Variants in IKBIP observed in about 807,000 individuals in gnomAD.
IKBIP encodes IKBKB interacting protein.
Under a neutral mutation model 31.0 loss-of-function variants are expected in IKBIP, and 28 were observed. That is an observed-to-expected ratio of 0.90 (90% CI 0.67 to 1.24). The LOEUF (loss-of-function observed/expected upper bound fraction) is 1.24. Ranked by LOEUF, IKBIP falls within the 50% of genes most tolerant of loss-of-function variation. The probability of loss-of-function intolerance (pLI) is 0.00; values close to 1 mark genes in which losing one functional copy is unlikely to be tolerated. For synonymous variants in IKBIP, 164 were observed against 160.3 expected, an observed-to-expected ratio of 1.02 and a Z score of -0.17; for missense variants, 453 against 441.9, an observed-to-expected ratio of 1.03 and a Z score of -0.23.
chr12:98,614,618 G>A (rs1031327785), intron 2 of IKBIP, among the ~76,000 whole-genome samples: 6 of 152,046 alleles, frequency 3.9e-5, no homozygotes, highest in East Asian at 1.9e-4. Flanking sequence ...GTAGAGACGG[G>A]TCTTCACCAT....
intron 2 of IKBIP, among the ~76,000 whole-genome samples, chr12:98,634,018 T>C (rs890550644): frequency 6.6e-6 from 1 of 152,208 alleles, no homozygotes; most frequent in Non-Finnish European, 1.5e-5. Flanking sequence ...ATGCTCTAGA[T>C]ACCTGACACT....
chr12:98,624,674 T>C lies in IKBIP; in HGVS notation c.*1256A>G. 1 of 884,222 alleles carries C rather than the reference T, an allele frequency of 1.1e-6. No homozygotes were observed. The allele number at this position is 884,222 out of a possible 1,614,324, so 54.8% of individuals were successfully genotyped here. ...TTTCAAATAAAATAAAATCAATTCA[T>C]AAAACAAATTTAGTGGTGTGGTTTG... On this transcript the variant is annotated 3_prime_UTR_variant, in exon 3 of 3. Coordinates refer to ENST00000299157, the MANE Select transcript of IKBIP (RefSeq NM_153687.4).
intron 1 of IKBIP, among the ~76,000 whole-genome samples, chr12:98,637,887 GC>G (rs2097627230): frequency 6.6e-6 from 1 of 152,180 alleles, no homozygotes; most frequent in South Asian, 2.1e-4. Flanking sequence ...TGCTGAGAAA[GC>G]TGCTTCAGAT....
In IKBIP at chr12:98,644,578, C is replaced by G; in HGVS notation, c.124G>C (p.Asp42His). The G allele has an allele frequency of 6.2e-7, 1 of 1,609,186 alleles. No individual in the cohort carries two copies. The change falls in exon 1 of 3, where the codon GAC (aspartate) becomes CAC (histidine). Residue 42 changes from aspartate to histidine, a missense_variant. Coordinates refer to ENST00000299157, the MANE Select transcript of IKBIP (RefSeq NM_153687.4). ...AGCAGGCTCAGGCACGTTCGGGGGT[C>G]TGCCCAGCCCCCGCCTCCGCTGCTC... ...ARSSGGGGWA[D>H]PRTCLSLLSL...
intron 2 of IKBIP, among the ~76,000 whole-genome samples, chr12:98,626,990 AC>A (rs1209205706): frequency 6.6e-6 from 1 of 152,100 alleles, no homozygotes; most frequent in Non-Finnish European, 1.5e-5. Flanking sequence ...TATTTTTTAG[AC>A]GGAATCTCAC....
chr12:98,619,959 C>G (rs2097608790), downstream of IKBIP, among the ~76,000 whole-genome samples: 1 of 150,874 alleles, frequency 6.6e-6, no homozygotes, highest in Non-Finnish European at 1.5e-5. Context: ...CACTCTATTG[C>G]CCAGGCTGGA....
Position 98,624,378 on chromosome 12 carries a change from C to G in IKBIP, c.*1552G>C. On this transcript the variant is annotated 3_prime_UTR_variant, in exon 3 of 3. Transcript: ENST00000299157. ...AAGACTGCAAAAATTAATGCTATGC[C>G]CCTTAATAACAGAACTCTCCAGGCT... 1 of 985,152 alleles carries G rather than the reference C, an allele frequency of 1.0e-6. No homozygotes were observed. The highest frequency in any genetic ancestry group is 1.2e-6 in the Non-Finnish European group (1 of 829,812). The allele number at this position is 985,152 out of a possible 1,614,324, so 61.0% of individuals were successfully genotyped here.
chr12:98,629,626 C>T (rs2097618075), intron 2 of IKBIP, among the ~76,000 whole-genome samples: 1 of 152,084 alleles, frequency 6.6e-6, no homozygotes, highest in African/African-American at 2.4e-5. Context: ...AAATAAAAAC[C>T]TCTTTTAAAT....
Position 98,626,259 on chromosome 12 carries a change from A to G in IKBIP, c.805T>C (p.Cys269Arg), listed in dbSNP as rs1209528477. 12 of 1,614,188 alleles carry G rather than the reference A, an allele frequency of 7.4e-6. No individual in the cohort carries two copies. The highest frequency in any genetic ancestry group is 1.0e-5 in the Non-Finnish European group (12 of 1,180,014). The change falls in exon 3 of 3, where the codon TGC becomes CGC. Residue 269 changes from cysteine (C) to arginine (R), a missense_variant. Coordinates refer to ENST00000299157, the MANE Select transcript of IKBIP (RefSeq NM_153687.4). ...LSDYEPKVEE[C>R]KTHLPTIESA... Reference sequence around the variant, plus strand: ...TCAATTGTTGGCAAATGTGTCTTGCATTCTTCAACTTTGGGTTCGTAGTCG... The same window carrying G: ...TCAATTGTTGGCAAATGTGTCTTGCGTTCTTCAACTTTGGGTTCGTAGTCG...
chr12:98,629,909 T>C (rs957376083), intron 2 of IKBIP, among the ~76,000 whole-genome samples: 1 of 152,170 alleles, frequency 6.6e-6, no homozygotes, highest in Non-Finnish European at 1.5e-5. Context: ...GCCACCAACA[T>C]ATTCTAATCG....
chr12:98,618,370 T>A (rs1233345843), intron 2 of IKBIP, among the ~76,000 whole-genome samples: 4 of 150,922 alleles, frequency 2.7e-5, no homozygotes, highest in Admixed American at 6.6e-5. Flanking sequence ...CTCACGCCTG[T>A]AATCCCAGCA....
intron 2 of IKBIP, among the ~76,000 whole-genome samples, chr12:98,618,539 T>C (rs2097607638): frequency 6.6e-6 from 1 of 150,868 alleles, no homozygotes; most frequent in South Asian, 2.1e-4. Context: ...AGTAGGAGAA[T>C]GGCGTGAACC....
chr12:98,615,617 T>C (rs960098679), intron 2 of IKBIP, among the ~76,000 whole-genome samples: 23 of 152,348 alleles, frequency 1.5e-4, no homozygotes, highest in African/African-American at 5.5e-4. Context: ...CCTGTTTAAC[T>C]GAAACTTTGT....
At position 98,633,335 on chromosome 12, in the gene IKBIP, A is replaced by G. The variant is rs567208588; in HGVS notation, c.297+961T>C. On this transcript the variant is annotated intron_variant, in intron 2 of 2. Transcript: ENST00000299157. ...TCTCCTGAGAGGTGTGGGAGTTACA[A>G]AAATGTTTATTTGTCTCACATTTCT... is the stretch of plus-strand genomic sequence containing the variant. Among the ~76,000 whole-genome samples, 286 of 152,194 alleles carry G rather than the reference A, an allele frequency of 1.9e-3. 1 individual carries two copies. Among genetic ancestry groups the G allele is most frequent in the African/African-American group, 6.6e-3 (274 of 41,526 alleles).
chr12:98,626,364 C>G lies in IKBIP; in HGVS notation c.700G>C (p.Asp234His). 1 of 1,614,078 alleles carries G rather than the reference C, an allele frequency of 6.2e-7. No individual in the cohort carries two copies. The highest frequency in any genetic ancestry group is 8.5e-7 in the Non-Finnish European group (1 of 1,180,034). Reference protein sequence around the residue: ...LLRVEEQLGSDTKAIEKLEEE... With the variant: ...LLRVEEQLGSHTKAIEKLEEE... ...TCTAACTTTTCAATTGCCTTTGTATCAGAGCCTAGCTGCTCCTCTACTCGC... is the reference window on the plus strand; with the variant it reads ...TCTAACTTTTCAATTGCCTTTGTATGAGAGCCTAGCTGCTCCTCTACTCGC... The change falls in exon 3 of 3, where the codon GAT becomes CAT. Residue 234 changes from aspartate to histidine, a missense_variant. Coordinates refer to ENST00000299157, the MANE Select transcript of IKBIP (RefSeq NM_153687.4).
chr12:98,613,906 CT>C lies in IKBIP; in HGVS notation c.731del (p.Lys244ArgfsTer3), dbSNP rs765831150. The C allele has an allele frequency of 1.2e-6, 2 of 1,613,770 alleles. No individual in the cohort carries two copies. The highest frequency in any genetic ancestry group is 3.3e-5 in the Admixed American group (2 of 60,012). ...AGTCACTCTTTAGTTCGGTTAGCGT[CT>C]TCTTAACAGAGTTAATTCTTTGTGA... On this transcript the variant is annotated frameshift_variant, in exon 3 of 3. Transcript: ENST00000342502. LOFTEE classifies it high-confidence loss of function.
At chr12:98,617,177 G>C (rs1352636985) in intron 2 of IKBIP, among the ~76,000 whole-genome samples, 2 of 152,262 alleles carry the variant, frequency 1.3e-5, no homozygotes, top group African/African-American at 2.4e-5. Context: ...AGTATAACTC[G>C]AGTTGTGGCC....
intron 2 of IKBIP, among the ~76,000 whole-genome samples, chr12:98,630,620 T>A (rs903214861): frequency 6.6e-5 from 10 of 152,188 alleles, no homozygotes; most frequent in African/African-American, 1.9e-4. Context: ...CTTAAAATCG[T>A]AGTTTCCAGG....
At position 98,625,440 on chromosome 12, in the gene IKBIP, C is replaced by A. The variant is rs561361303; in HGVS notation, c.*490G>T. 2.8e-6 allele frequency: 1 copy of A among 359,000 alleles called. No individual in the cohort carries two copies. Among genetic ancestry groups the A allele is most frequent in the African/African-American group, 2.2e-5 (1 of 45,194 alleles). 22.2% of individuals were successfully genotyped at this position (359,000 alleles called of 1,614,324 possible). Reference sequence around the variant, plus strand: ...TGAACTTGGTTGTGTGGATTCTTAACCTGCAGTGAATTACCTAAGAAAGTG... The same window carrying A: ...TGAACTTGGTTGTGTGGATTCTTAAACTGCAGTGAATTACCTAAGAAAGTG... On this transcript the variant is annotated 3_prime_UTR_variant, in exon 3 of 3. Coordinates refer to ENST00000299157, the MANE Select transcript of IKBIP (RefSeq NM_153687.4).
Sources: gnomAD v4.1 joint callset for allele counts (sites outside exome capture counted in the v4.1 genomes callset) on GRCh38, gnomAD v4.1.1 for gene constraint, MANE v1.5 for transcripts, NCBI Gene and HGNC (gene_info 2026-07-23, HGNC 2026-07-21) for gene names.